CSMD1: variants seen among roughly 807,000 people sequenced by gnomAD.
CSMD1 encodes the protein CUB and sushi domain-containing protein 1.
Under a neutral mutation model 417.5 loss-of-function variants are expected in CSMD1, and 213 were observed. The observed-to-expected ratio is 0.51, with a 90% CI of 0.46 to 0.57. The LOEUF is 0.57. CSMD1 is among the 20% of genes least tolerant of loss of function. The pLI is 0.00. For synonymous variants in CSMD1, 2,862 were observed against 1,736.8 expected, an observed-to-expected ratio of 1.65 and a Z score of -16.11; for missense variants, 6,923 against 4,529.7, an observed-to-expected ratio of 1.53 and a Z score of -15.17.
intron 26 of CSMD1, among the ~76,000 whole-genome samples, chr8:3,272,746 G>A (rs200310868): frequency 0.21 from 27,805 of 135,612 alleles, 3,034 homozygotes; most frequent in East Asian, 0.26. Flanking sequence ...TGTTGTTGGT[G>A]TATAAGAATG....
intron 68 of CSMD1, among the ~76,000 whole-genome samples, chr8:2,948,278 G>A (rs1802388957): frequency 6.6e-6 from 1 of 151,920 alleles, no homozygotes; most frequent in South Asian, 2.1e-4. Context: ...ACAACCTTGG[G>A]AACTTCTATA....
intron 10 of CSMD1, among the ~76,000 whole-genome samples, chr8:3,544,529 T>C (rs1798575604): frequency 6.6e-6 from 1 of 152,154 alleles, no homozygotes; most frequent in Non-Finnish European, 1.5e-5. Context: ...TTTTGCACTG[T>C]GGACTCGCCC....
chr8:3,377,604 T>C (rs1384513602), intron 18 of CSMD1, among the ~76,000 whole-genome samples: 1 of 152,150 alleles, frequency 6.6e-6, no homozygotes, highest in Non-Finnish European at 1.5e-5. Flanking sequence ...TTCCTATTGA[T>C]CCTTCACTCA....
At chr8:3,948,459 C>A (rs954534416) in intron 5 of CSMD1, among the ~76,000 whole-genome samples, 2 of 151,980 alleles carry the variant, frequency 1.3e-5, no homozygotes, top group African/African-American at 2.4e-5. Context: ...GAATGTGACC[C>A]TTCTTTGGCA....
At chr8:3,342,891 A>ATGTGTG (rs757003156) in intron 23 of CSMD1, among the ~76,000 whole-genome samples, 5,321 of 72,224 alleles carry the variant, frequency 0.074, 299 homozygotes, top group African/African-American at 0.21. Flanking sequence ...GTATAAATAT[A>ATGTGTG]TGTGTGTATG....
At chr8:3,719,363 G>C (rs528032415) in intron 6 of CSMD1, among the ~76,000 whole-genome samples, 2 of 152,074 alleles carry the variant, frequency 1.3e-5, no homozygotes, top group Non-Finnish European at 2.9e-5. Context: ...CACAGCCTCG[G>C]ATTTTTTCAT....
At chr8:2,967,492 G>C (rs530856849) in intron 57 of CSMD1, among the ~76,000 whole-genome samples, 1 of 152,068 alleles carries the variant, frequency 6.6e-6, no homozygotes, top group Non-Finnish European at 1.5e-5. Context: ...AAGCTCGGCT[G>C]CCGCTGGGTA....
intron 41 of CSMD1, among the ~76,000 whole-genome samples, chr8:3,133,761 A>G (rs1432062760): frequency 6.6e-6 from 1 of 152,206 alleles, no homozygotes; most frequent in African/African-American, 2.4e-5. Context: ...TTCCCCCTCC[A>G]TGAACTGACC....
chr8:3,308,201 G>T (rs979732827), intron 24 of CSMD1, 111 bp downstream of exon 24: 1 of 801,856 alleles, frequency 1.2e-6, no homozygotes, highest in East Asian at 2.7e-5. Flanking sequence ...ACTCACACTG[G>T]AAAGTGTGAT....
intron 12 of CSMD1, among the ~76,000 whole-genome samples, chr8:3,440,303 T>A (rs1276866857): frequency 6.6e-6 from 1 of 152,156 alleles, no homozygotes; most frequent in East Asian, 1.9e-4. Flanking sequence ...CTCTACTTAT[T>A]TTGATCTTTG....
At chr8:3,273,909 T>C (rs1465699018) in intron 26 of CSMD1, among the ~76,000 whole-genome samples, 3 of 152,148 alleles carry the variant, frequency 2.0e-5, no homozygotes, top group Admixed American at 2.0e-4. Flanking sequence ...TTGAAGGGTT[T>C]TTTGTGTCTC....
At chr8:3,793,060 A>G (rs1799836748) in intron 5 of CSMD1, among the ~76,000 whole-genome samples, 1 of 152,110 alleles carries the variant, frequency 6.6e-6, no homozygotes, top group South Asian at 2.1e-4. Context: ...GGAGTAAAAC[A>G]CCCAAAAGAG....
intron 26 of CSMD1, among the ~76,000 whole-genome samples, chr8:3,249,912 T>C (rs1255876687): frequency 6.6e-6 from 1 of 152,182 alleles, no homozygotes. Flanking sequence ...CCAACTAAAT[T>C]ATAGACATGA....
intron 5 of CSMD1, among the ~76,000 whole-genome samples, chr8:3,783,578 G>C (rs547413949): frequency 2.0e-5 from 3 of 152,328 alleles, no homozygotes; most frequent in East Asian, 1.9e-4. Flanking sequence ...GCACAGGTGA[G>C]AGAGTTGGAC....
chr8:3,655,479 T>C (rs1798055149), intron 7 of CSMD1, among the ~76,000 whole-genome samples: 1 of 152,132 alleles, frequency 6.6e-6, no homozygotes, highest in African/African-American at 2.4e-5. Context: ...AACAATAGTA[T>C]CAGAAATAGG....
chr8:4,845,887 C>A (rs764303667), intron 1 of CSMD1, among the ~76,000 whole-genome samples: 5 of 152,122 alleles, frequency 3.3e-5, no homozygotes, highest in African/African-American at 9.7e-5. Context: ...TGTCAGTCAC[C>A]GTGGCTAACT....
chr8:4,795,547 C>T (rs1394738153), intron 1 of CSMD1, among the ~76,000 whole-genome samples: 1 of 151,944 alleles, frequency 6.6e-6, no homozygotes, highest in East Asian at 1.9e-4. Flanking sequence ...CAGGCATGAG[C>T]CACCGCACCC....
chr8:3,979,078 G>A (rs142888125), intron 5 of CSMD1, among the ~76,000 whole-genome samples: 6 of 152,286 alleles, frequency 3.9e-5, no homozygotes, highest in Non-Finnish European at 7.3e-5. Flanking sequence ...TGTGCACAGC[G>A]ACCTTTGAAC....
At chr8:3,284,062 G>C in intron 26 of CSMD1, 82 bp downstream of exon 26, 1 of 1,139,210 alleles carries the variant, frequency 8.8e-7, no homozygotes, top group East Asian at 2.6e-5. Context: ...AGGAGACGCT[G>C]GTGAATATAA....
Sources: allele counts gnomAD v4.1 joint callset (sites outside exome capture counted in the v4.1 genomes callset), GRCh38; gene constraint gnomAD v4.1.1; transcripts MANE v1.5; gene names NCBI Gene and HGNC (gene_info 2026-07-23, HGNC 2026-07-21).